The following DCC variants were observed in gnomAD, a reference collection of about 807,000 sequenced individuals.
DCC encodes the protein DCC netrin 1 receptor, also known as netrin receptor DCC.
A neutral mutation model predicts 172.5 loss-of-function variants in DCC; 58 were observed. That is an observed-to-expected ratio of 0.34 (90% CI 0.27 to 0.42). DCC has a LOEUF of 0.42. DCC is among the 10% of genes least tolerant of loss of function. The pLI is 1.00. For missense variants in DCC, 1,740 were observed against 1,791.0 expected (o/e 0.97, Z 0.51); for synonymous variants, 709 against 644.5 (o/e 1.10, Z -1.52).
At chr18:52,629,579 C>G (rs1230800978) in intron 1 of DCC, among the ~76,000 whole-genome samples, 1 of 152,124 alleles carries the variant, frequency 6.6e-6, no homozygotes, top group Non-Finnish European at 1.5e-5. Flanking sequence ...CTTTGGGAGG[C>G]TGAAGCGGGT....
intron 7 of DCC, among the ~76,000 whole-genome samples, chr18:53,109,604 C>T (rs1455692547): frequency 7.9e-6 from 1 of 126,120 alleles, no homozygotes; most frequent in Non-Finnish European, 1.6e-5. Context: ...TTCCTTCCTT[C>T]TTTCCTTCTT....
intron 14 of DCC, among the ~76,000 whole-genome samples, chr18:53,329,567 T>TA (rs1264156311): frequency 6.6e-6 from 1 of 152,024 alleles, no homozygotes; most frequent in Non-Finnish European, 1.5e-5. Flanking sequence ...ATGTATATCA[T>TA]AAAAAATACA....
At chr18:53,213,049 A>G (rs914994743) in intron 11 of DCC, among the ~76,000 whole-genome samples, 3 of 152,144 alleles carry the variant, frequency 2.0e-5, no homozygotes, top group Non-Finnish European at 4.4e-5. Flanking sequence ...GAACACATAT[A>G]TATCTATCCT....
intron 1 of DCC, among the ~76,000 whole-genome samples, chr18:52,439,938 A>T (rs1336182734): frequency 6.6e-6 from 1 of 152,230 alleles, no homozygotes; most frequent in African/African-American, 2.4e-5. Flanking sequence ...AAAAGGTATA[A>T]GGAAATAAAC....
At chr18:53,424,841 T>C (rs1263845746) in intron 21 of DCC, among the ~76,000 whole-genome samples, 2 of 152,190 alleles carry the variant, frequency 1.3e-5, no homozygotes, top group African/African-American at 2.4e-5. Context: ...GAAGAGGCTT[T>C]TGCTATTTCT....
At chr18:52,715,232 A>C (rs1336427692) in intron 1 of DCC, among the ~76,000 whole-genome samples, 1 of 151,236 alleles carries the variant, frequency 6.6e-6, no homozygotes, top group Non-Finnish European at 1.5e-5. Context: ...ATATATATAT[A>C]TATCTGCTAT....
At chr18:52,841,802 C>G (rs2038811988) in intron 2 of DCC, among the ~76,000 whole-genome samples, 1 of 152,000 alleles carries the variant, frequency 6.6e-6, no homozygotes, top group African/African-American at 2.4e-5. Context: ...TTTGCCATTC[C>G]CCCCTCCTCC....
At chr18:52,620,160 C>T (rs1002478883) in intron 1 of DCC, among the ~76,000 whole-genome samples, 2 of 152,190 alleles carry the variant, frequency 1.3e-5, no homozygotes, top group African/African-American at 2.4e-5. Flanking sequence ...GAATTTACTT[C>T]TAGTTCTTAT....
chr18:53,304,382 A>G (rs1366895650), intron 12 of DCC, among the ~76,000 whole-genome samples: 2 of 152,056 alleles, frequency 1.3e-5, no homozygotes, highest in African/African-American at 4.8e-5. Context: ...TCTCTAGGGC[A>G]AAGATAATAA....
chr18:53,510,133 T>G (rs1029148450), intron 27 of DCC, among the ~76,000 whole-genome samples: 3 of 152,174 alleles, frequency 2.0e-5, no homozygotes, highest in Non-Finnish European at 4.4e-5. Context: ...TGTGTTGTCC[T>G]TCGAAAGGGG....
intron 1 of DCC, among the ~76,000 whole-genome samples, chr18:52,545,509 A>T (rs543854302): frequency 1.3e-5 from 2 of 152,352 alleles, no homozygotes; most frequent in East Asian, 3.9e-4. Context: ...TGTTATGGGA[A>T]AAAACAGGTA....
At chr18:52,702,186 T>C (rs572411833) in intron 1 of DCC, among the ~76,000 whole-genome samples, 81 of 152,292 alleles carry the variant, frequency 5.3e-4, no homozygotes, top group African/African-American at 1.7e-3. Flanking sequence ...CAGCCTCTTT[T>C]CTTTGGCCTC....
intron 12 of DCC, among the ~76,000 whole-genome samples, chr18:53,279,318 T>TA (rs1365580798): frequency 6.6e-6 from 1 of 151,790 alleles, no homozygotes; most frequent in Non-Finnish European, 1.5e-5. Flanking sequence ...TATGCAGCCA[T>TA]AAAAAATGAT....
intron 2 of DCC, among the ~76,000 whole-genome samples, chr18:52,867,381 A>G (rs894066710): frequency 2.6e-5 from 4 of 152,158 alleles, no homozygotes; most frequent in Admixed American, 1.3e-4. Flanking sequence ...TATCAGGATG[A>G]TGCTGGCCTC....
chr18:52,772,824 T>C (rs1176015835), intron 2 of DCC, among the ~76,000 whole-genome samples: 2 of 152,246 alleles, frequency 1.3e-5, no homozygotes, highest in African/African-American at 4.8e-5. Flanking sequence ...TTCTTGCCTC[T>C]AAAAGTTGAA....
chr18:53,492,449 TAA>T (rs1309844344), intron 26 of DCC, among the ~76,000 whole-genome samples: 3 of 152,234 alleles, frequency 2.0e-5, no homozygotes, highest in Non-Finnish European at 4.4e-5. Flanking sequence ...GTCTTATGTT[TAA>T]GTCTTTAATC....
chr18:52,773,422 G>A (rs2037374468), intron 2 of DCC, among the ~76,000 whole-genome samples: 1 of 152,020 alleles, frequency 6.6e-6, no homozygotes, highest in Admixed American at 6.5e-5. Flanking sequence ...ATCTTTATTA[G>A]TTTCCCCAAC....
chr18:53,435,904 A>C (rs1384699691), intron 22 of DCC, among the ~76,000 whole-genome samples: 3 of 152,186 alleles, frequency 2.0e-5, no homozygotes, highest in Non-Finnish European at 4.4e-5. Context: ...CCAAATTTTC[A>C]GGGGACTAAT....
intron 7 of DCC, among the ~76,000 whole-genome samples, chr18:53,141,981 G>T (rs370641363): frequency 6.6e-6 from 1 of 152,096 alleles, no homozygotes; most frequent in East Asian, 1.9e-4. Flanking sequence ...CTTTCCCTAG[G>T]CTCTGCCTAA....
Sources: allele counts gnomAD v4.1 joint callset (sites outside exome capture counted in the v4.1 genomes callset), GRCh38; gene constraint gnomAD v4.1.1; transcripts MANE v1.5; gene names NCBI Gene and HGNC (gene_info 2026-07-23, HGNC 2026-07-21).